The following NT5M variants were observed in gnomAD, a reference collection of about 807,000 sequenced individuals.
NT5M encodes the protein 5'(3')-deoxyribonucleotidase, mitochondrial.
A neutral mutation model predicts 22.2 loss-of-function variants in NT5M; 22 were observed. The ratio of observed to expected loss-of-function variants is 0.99; its 90% CI spans 0.71 to 1.41. NT5M has a LOEUF of 1.41. Ranked by LOEUF, NT5M falls within the 40% of genes most tolerant of loss-of-function variation. The pLI is 0.00. For synonymous variants in NT5M, 167 were observed against 133.0 expected (o/e 1.26, Z -1.76); for missense variants, 322 against 314.8 (o/e 1.02, Z -0.17).
At chr17:17,333,612 T>C (rs2049432902) in intron 3 of NT5M, 1 of 151,944 alleles carries the variant, frequency 6.6e-6, no homozygotes, top group South Asian at 2.1e-4. Context: ...ACAGAGTCTT[T>C]AGAAGAGCAG....
At chr17:17,310,497 T>C (rs146384402) in intron 2 of NT5M, among the ~76,000 whole-genome samples, 16 of 152,266 alleles carry the variant, frequency 1.1e-4, no homozygotes, top group Non-Finnish European at 1.9e-4. Context: ...AAGGATTGAA[T>C]GAACATTTCT....
intron 2 of NT5M, 24 bp downstream of exon 2, chr17:17,306,667 CAGTA>C (rs1567878160): frequency 6.5e-7 from 1 of 1,546,458 alleles, no homozygotes; most frequent in Non-Finnish European, 8.9e-7. Context: ...CCCAGCCACT[CAGTA>C]AGTTTGTCTG....
At position 17,346,788 on chromosome 17, in the gene NT5M, C is replaced by T. The variant is rs367784649; in HGVS notation, c.545-17C>T. 1.3e-4 allele frequency: 211 copies of T among 1,605,596 alleles called. No individual in the cohort carries two copies. Among genetic ancestry groups the T allele is most frequent in the Non-Finnish European group, 1.5e-4 (180 of 1,179,900 alleles). On this transcript the variant is annotated splice_polypyrimidine_tract_variant and intron_variant, in intron 4 of 4. Transcript: ENST00000389022. ...AGGTCTCCACTGCTGAGCTGAATGC[C>T]GCTTTCCCACCCACAGGGGCCGAGC... is the stretch of plus-strand genomic sequence containing the variant.
intron 4 of NT5M, among the ~76,000 whole-genome samples, chr17:17,346,133 C>T (rs569121633): frequency 4.7e-4 from 72 of 151,710 alleles, no homozygotes; most frequent in Middle Eastern, 3.4e-3. Flanking sequence ...CACGAGTGTA[C>T]CCACCCCACC....
chr17:17,321,082 T>A (rs964924290), intron 2 of NT5M, among the ~76,000 whole-genome samples: 22 of 152,022 alleles, frequency 1.4e-4, no homozygotes, highest in African/African-American at 5.1e-4. Context: ...GGGTCAAGGC[T>A]GTGTGTGTAT....
At chr17:17,334,268 G>T (rs957490617) in intron 3 of NT5M, among the ~76,000 whole-genome samples, 3 of 150,972 alleles carry the variant, frequency 2.0e-5, no homozygotes, top group African/African-American at 7.3e-5. Context: ...TGCCTGGCTC[G>T]TTTTGAGTTA....
At chr17:17,342,471 A>G (rs2049664955) in intron 3 of NT5M, among the ~76,000 whole-genome samples, 1 of 152,160 alleles carries the variant, frequency 6.6e-6, no homozygotes, top group Non-Finnish European at 1.5e-5. Context: ...TGTTCATGGC[A>G]GTTTGTCTGA....
At chr17:17,333,958 C>A (rs935435369) in intron 3 of NT5M, among the ~76,000 whole-genome samples, 1 of 151,954 alleles carries the variant, frequency 6.6e-6, no homozygotes, top group African/African-American at 2.4e-5. Flanking sequence ...CTCAGCCTCC[C>A]GAGTAGCTGG....
rs1173004367 is a variant in NT5M, at chr17:17,315,744, G to GTTTTTTT, written c.369-7440_369-7434dup. On this transcript the variant is annotated intron_variant, in intron 2 of 4. Transcript: ENST00000389022. ...AGAGATTGATGTGATCTAACTTAGG[G>GTTTTTTT]TTTTTTTGTTTTTTTTTTTTTTTTT... 1.9e-4 allele frequency among the ~76,000 whole-genome samples: 13 copies of GTTTTTTT among 67,714 alleles called. 2 individuals carry two copies. Among genetic ancestry groups the GTTTTTTT allele is most frequent in the Admixed American group, 3.9e-4 (2 of 5,142 alleles). The allele number at this position is 67,714 out of a possible 152,430, so 44.4% of individuals were successfully genotyped here. A position where few individuals can be genotyped will look rare whatever the true frequency, so the allele number is the denominator to read the frequency against.
At chr17:17,321,063 G>T (rs1009076897) in intron 2 of NT5M, among the ~76,000 whole-genome samples, 3 of 152,252 alleles carry the variant, frequency 2.0e-5, no homozygotes, top group African/African-American at 7.2e-5. Context: ...GGGAGCAGCT[G>T]GAATGTGGGG....
chr17:17,342,541 G>T (rs1250515135), intron 3 of NT5M, among the ~76,000 whole-genome samples: 3 of 152,188 alleles, frequency 2.0e-5, no homozygotes, highest in African/African-American at 7.2e-5. Context: ...TCACAATGCA[G>T]TGGAAATTAA....
chr17:17,336,188 G>A (rs562859447), intron 3 of NT5M, among the ~76,000 whole-genome samples: 2 of 151,294 alleles, frequency 1.3e-5, no homozygotes, highest in Non-Finnish European at 2.9e-5. Flanking sequence ...ATTTTTAGTA[G>A]AGACAGGGTT....
chr17:17,336,316 T>C (rs899052318), intron 3 of NT5M, among the ~76,000 whole-genome samples: 2 of 152,108 alleles, frequency 1.3e-5, no homozygotes, highest in Non-Finnish European at 2.9e-5. Flanking sequence ...CATTCTATTT[T>C]TTTGTGCCCA....
chr17:17,310,858 T>A (rs1175249097), intron 2 of NT5M, among the ~76,000 whole-genome samples: 1 of 151,936 alleles, frequency 6.6e-6, no homozygotes, highest in African/African-American at 2.4e-5. Flanking sequence ...CGAGACCCTG[T>A]CTAAAAAGAA....
At chr17:17,316,290 G>A (rs887018995) in intron 2 of NT5M, among the ~76,000 whole-genome samples, 3 of 140,004 alleles carry the variant, frequency 2.1e-5, no homozygotes, top group Admixed American at 1.4e-4. Context: ...CCTCTTAACC[G>A]CTTGACTTCC....
intron 2 of NT5M, among the ~76,000 whole-genome samples, chr17:17,311,462 G>C (rs1049416759): frequency 6.6e-6 from 1 of 151,988 alleles, no homozygotes; most frequent in Non-Finnish European, 1.5e-5. Context: ...TAGATATCTT[G>C]TTGTCCCAGT....
intron 2 of NT5M, among the ~76,000 whole-genome samples, chr17:17,315,196 T>A (rs1015275711): frequency 6.6e-6 from 1 of 152,178 alleles, no homozygotes; most frequent in African/African-American, 2.4e-5. Flanking sequence ...AACTTAAACC[T>A]GATTTTAACA....
rs1424240254 is a variant in NT5M at position 17,327,768 on chromosome 17, G to A, written c.429+4523G>A. Among the ~76,000 whole-genome samples the A allele has an allele frequency of 1.3e-4, 14 of 105,492 alleles. 5 individuals carry two copies. Among genetic ancestry groups the A allele is most frequent in the African/African-American group, 3.6e-4 (11 of 30,668 alleles). The allele number at this position is 105,492 out of a possible 152,430, so 69.2% of individuals were successfully genotyped here. On this transcript the variant is annotated intron_variant, in intron 3 of 4. Transcript: ENST00000389022. ...CCTGACCTTGTGATCCACCTGCCTC[G>A]GTCTCCCAAATGCTGGGATTACAGG... is the stretch of plus-strand genomic sequence containing the variant.
rs540732795 is a variant in NT5M, at chr17:17,306,219, G to C, written c.268-324G>C. ...CAGCCTCAGTTTCCACAATGCTTTTGGCCACTCGAATCCAGCCTAACAAGC... is the reference window on the plus strand; with the variant it reads ...CAGCCTCAGTTTCCACAATGCTTTTCGCCACTCGAATCCAGCCTAACAAGC... On this transcript the variant is annotated intron_variant, in intron 1 of 4. Transcript: ENST00000389022. 3.3e-5 allele frequency among the ~76,000 whole-genome samples: 5 copies of C among 152,120 alleles called. No individual in the cohort carries two copies. The South Asian group carries it at 1.0e-3, about 32-fold the overall frequency.
Sources: allele counts gnomAD v4.1 joint callset (sites outside exome capture counted in the v4.1 genomes callset), GRCh38; gene constraint gnomAD v4.1.1; transcripts MANE v1.5; gene names NCBI Gene and HGNC (gene_info 2026-07-23, HGNC 2026-07-21).